Variants in PLK4 observed in about 807,000 individuals in gnomAD.
PLK4 encodes polo like kinase 4, also known as serine/threonine-protein kinase PLK4.
In PLK4, 51 loss-of-function variants were observed where a neutral mutation model predicts 103.0. The observed-to-expected ratio is 0.50, with a 90% confidence interval of 0.40 to 0.63. The LOEUF (loss-of-function observed/expected upper bound fraction) is 0.63. Ranked by LOEUF, PLK4 falls within the 20% of genes least tolerant of loss-of-function variation. The pLI is 0.00. For missense variants in PLK4, 1,054 were observed against 1,151.0 expected (o/e 0.92, Z 1.22); for synonymous variants, 389 against 376.8 (o/e 1.03, Z -0.38).
chr4:127,894,382 A>T (rs1735483349), intron 13 of PLK4, among the ~76,000 whole-genome samples: 1 of 151,916 alleles, frequency 6.6e-6, no homozygotes, highest in East Asian at 1.9e-4. Flanking sequence ...GACCGCCACC[A>T]TGCCTGGCTA....
intron 2 of PLK4, 32 bp downstream of exon 2, chr4:127,881,958 A>G: frequency 8.6e-7 from 1 of 1,159,264 alleles, no homozygotes; most frequent in South Asian, 1.2e-5. Context: ...TCTCTCCTGT[A>G]CTTTGCAAGT....
chr4:127,885,221 T>C (rs1735072812), intron 4 of PLK4, among the ~76,000 whole-genome samples: 2 of 152,038 alleles, frequency 1.3e-5, no homozygotes, highest in South Asian at 4.1e-4. Context: ...GGCTCAAGCC[T>C]GAAATCCCAG....
At chr4:127,881,430 G>T (rs1481216791) in intron 1 of PLK4, 2 of 1,383,136 alleles carry the variant, frequency 1.4e-6, no homozygotes, top group Non-Finnish European at 1.9e-6. Context: ...CAGCAATCCC[G>T]CCCGAGCTAC....
intron 4 of PLK4, among the ~76,000 whole-genome samples, chr4:127,883,983 T>C (rs1735026399): frequency 6.6e-6 from 1 of 152,218 alleles, no homozygotes; most frequent in Admixed American, 6.5e-5. Flanking sequence ...CTTCCAAAAC[T>C]AGTGACTCAT....
chr4:127,894,916 T>A, intron 13 of PLK4, 37 bp from the exon 14 acceptor site: 2 of 1,353,134 alleles, frequency 1.5e-6, no homozygotes, highest in South Asian at 1.8e-5. Flanking sequence ...ATAAAAATGC[T>A]GAGGAATAAT....
intron 2 of PLK4, among the ~76,000 whole-genome samples, chr4:127,882,932 C>G (rs1469593893): frequency 6.6e-6 from 1 of 151,802 alleles, no homozygotes; most frequent in Non-Finnish European, 1.5e-5. Flanking sequence ...AAAAAAAAAT[C>G]ATTTATCTAA....
chr4:127,887,995 C>T (rs1317970268), intron 6 of PLK4, among the ~76,000 whole-genome samples: 1 of 150,016 alleles, frequency 6.7e-6, no homozygotes, highest in Non-Finnish European at 1.5e-5. Flanking sequence ...CCCTGGCCAA[C>T]ATGGTGAAAC....
Position 127,881,016 on chromosome 4 carries a change from C to A in PLK4, c.-119C>A. 8.8e-7 allele frequency: 1 copy of A among 1,130,954 alleles called. No homozygotes were observed. The highest frequency in any genetic ancestry group is 1.3e-6 in the Non-Finnish European group (1 of 763,976). The allele number at this position is 1,130,954 out of a possible 1,614,324, so 70.1% of individuals were successfully genotyped here. On this transcript the variant is annotated 5_prime_UTR_variant, in exon 1 of 16. Coordinates refer to ENST00000270861, the MANE Select transcript of PLK4 (RefSeq NM_014264.5). ...GTGGTTTCAGCGTCGTCGCCTGGAGCGGCGGTTTAGAGAGCCGAGCCTGAT... is the reference window on the plus strand; with the variant it reads ...GTGGTTTCAGCGTCGTCGCCTGGAGAGGCGGTTTAGAGAGCCGAGCCTGAT...
At chr4:127,895,155 T>C (rs1215000693) in intron 14 of PLK4, 62 bp downstream of exon 14, 6 of 1,121,230 alleles carry the variant, frequency 5.4e-6, no homozygotes, top group Non-Finnish European at 7.4e-6. Context: ...TTCACACTGA[T>C]AAGACAATTA....
chr4:127,885,566 C>A, intron 4 of PLK4, 142 bp from the exon 5 acceptor site: 1 of 631,400 alleles, frequency 1.6e-6, no homozygotes, highest in Non-Finnish European at 2.8e-6. Context: ...ATTGAAGTGG[C>A]TGGTAAATCT....
At chr4:127,896,470 G>C (rs1367619792) in intron 14 of PLK4, among the ~76,000 whole-genome samples, 1 of 151,858 alleles carries the variant, frequency 6.6e-6, no homozygotes, top group African/African-American at 2.4e-5. Context: ...ATTTCTTGTG[G>C]GGGAAAAAAA....
intron 14 of PLK4, 38 bp from the exon 15 acceptor site, chr4:127,896,763 T>TTC: frequency 8.2e-7 from 1 of 1,220,684 alleles, no homozygotes; most frequent in South Asian, 1.3e-5. Context: ...TTTTTTTTTT[T>TTC]CTGTGCCTGT....
At chr4:127,890,282 G>A (rs376442197) in intron 7 of PLK4, 46 bp downstream of exon 7, 4 of 1,463,200 alleles carry the variant, frequency 2.7e-6, no homozygotes, top group Non-Finnish European at 3.7e-6. Context: ...TTTTACTTGA[G>A]AATACAATTC....
Position 127,894,938 on chromosome 4 carries a change from C to G in PLK4, c.2563-15C>G, listed in dbSNP as rs375285174. On this transcript the variant is annotated splice_polypyrimidine_tract_variant and intron_variant, in intron 13 of 15. Coordinates refer to ENST00000270861, the MANE Select transcript of PLK4 (RefSeq NM_014264.5). ...TGCTGAGGAATAATATCTTCCTGTC[C>G]TTTATTCTTTGTAGATGGTTACAAA... 18 of 1,520,830 alleles carry G rather than the reference C, an allele frequency of 1.2e-5. No homozygotes were observed. Among genetic ancestry groups the G allele is most frequent in the Non-Finnish European group, 1.4e-5 (16 of 1,127,408 alleles). The allele number at this position is 1,520,830 out of a possible 1,614,324, so 94.2% of individuals were successfully genotyped here.
chr4:127,893,008 ATATAAT>A (rs1367994994), intron 10 of PLK4, among the ~76,000 whole-genome samples: 6 of 152,102 alleles, frequency 3.9e-5, no homozygotes, highest in African/African-American at 1.4e-4. Flanking sequence ...CACAGTACAC[ATATAAT>A]TATAGCTATC....
chr4:127,895,067 G>T lies in PLK4; in HGVS notation c.2677G>T (p.Val893Leu). 1 of 1,611,872 alleles carries T rather than the reference G, an allele frequency of 6.2e-7. No homozygotes were observed. The highest frequency in any genetic ancestry group is 8.5e-7 in the Non-Finnish European group (1 of 1,179,124). The change falls in exon 14 of 16, where the codon GTG becomes TTG. Residue 893 changes from valine to leucine, a missense_variant. This residue lies in a region of PLK4 where 167 missense variants were observed against 200.7 expected (regional missense o/e 0.83). Transcript: ENST00000270861. ...AGCACAACTTTTGAAATCTGTTTTT[G>T]TGAAAAATGTTGGTTGGGCTACACA... ...KSAQLLKSVF[V>L]KNVGWATQLT...
At chr4:127,881,703 A>G (rs1734935142) in intron 1 of PLK4, 128 bp from the exon 2 acceptor site, 1 of 652,634 alleles carries the variant, frequency 1.5e-6, no homozygotes, top group Admixed American at 2.4e-5. Flanking sequence ...TGCTGCATCG[A>G]GGTGTAATAC....
intron 7 of PLK4, among the ~76,000 whole-genome samples, chr4:127,890,608 C>G (rs1735319704): frequency 1.3e-5 from 2 of 152,046 alleles, no homozygotes; most frequent in African/African-American, 4.8e-5. Flanking sequence ...TTAATCCCAT[C>G]TCAAATTTTA....
chr4:127,890,259 T>C, intron 7 of PLK4, 23 bp downstream of exon 7: 1 of 1,544,702 alleles, frequency 6.5e-7, no homozygotes, highest in Non-Finnish European at 8.7e-7. Context: ...TCTTCTTAAG[T>C]TACTAAATAA....
Sources: gnomAD v4.1 joint callset for allele counts (sites outside exome capture counted in the v4.1 genomes callset) on GRCh38, gnomAD v4.1.1 for gene constraint, gnomAD v4.1.1 regional missense constraint, MANE v1.5 for transcripts, NCBI Gene and HGNC (gene_info 2026-07-23, HGNC 2026-07-21) for gene names.